The following TATDN1 variants were observed in gnomAD, a reference collection of about 807,000 sequenced individuals.
TATDN1 encodes deoxyribonuclease TATDN1.
In TATDN1, 40 loss-of-function variants were observed where a neutral mutation model predicts 46.4. The observed-to-expected ratio is 0.86, with a 90% CI of 0.67 to 1.12. The LOEUF is 1.12. Ranked by LOEUF, TATDN1 falls within the 50% of genes most tolerant of loss-of-function variation. The probability of loss-of-function intolerance (pLI) is 0.00; values close to 1 mark genes in which losing one functional copy is unlikely to be tolerated. For missense variants in TATDN1, 326 were observed against 348.4 expected (o/e 0.94, Z 0.51); for synonymous variants, 95 against 105.6 (o/e 0.90, Z 0.62).
intron 3 of TATDN1, 80 bp from the exon 4 acceptor site, chr8:124,518,961 T>C: frequency 3.3e-6 from 3 of 898,682 alleles, no homozygotes; most frequent in Non-Finnish European, 5.4e-6. Context: ...TCCTACCACT[T>C]CCTTATTCCA....
rs375358832 is a variant in TATDN1, at chr8:124,488,657, A to C, written c.831T>G (p.Asp277Glu). 5.0e-6 allele frequency: 8 copies of C among 1,606,532 alleles called. No homozygotes were observed. Among genetic ancestry groups the C allele is most frequent in the Non-Finnish European group, 6.8e-6 (8 of 1,173,958 alleles). ...ATAGTGTATTGGCTAATTCCAGTGG[A>C]TCCTCATCTCTCACTGCTGACATTA... ...LEIMSAVRDEDPLELANTLYN... is the reference protein window; with the variant it reads ...LEIMSAVRDEEPLELANTLYN... The change falls in exon 12 of 12, where the codon GAT (aspartate) becomes GAG (glutamate). Residue 277 changes from aspartate to glutamate, a missense_variant. Transcript: ENST00000276692.
intron 8 of TATDN1, among the ~76,000 whole-genome samples, chr8:124,504,904 G>A (rs989949120): frequency 2.7e-5 from 4 of 150,474 alleles, no homozygotes; most frequent in Non-Finnish European, 4.4e-5. Context: ...GCGCCACCAC[G>A]CCTGGCTAAT....
chr8:124,491,124 C>T (rs1816956688), intron 11 of TATDN1: 2 of 152,138 alleles, frequency 1.3e-5, no homozygotes, highest in African/African-American at 2.4e-5. Flanking sequence ...TACATGATTC[C>T]TACCCTATCT....
intron 11 of TATDN1, chr8:124,491,640 G>A (rs1563639548): frequency 6.6e-6 from 1 of 152,224 alleles, no homozygotes; most frequent in African/African-American, 2.4e-5. Context: ...TTCATCTGGT[G>A]GATGGATAAA....
intron 1 of TATDN1, among the ~76,000 whole-genome samples, chr8:124,528,138 G>T (rs1005022525): frequency 2.6e-5 from 4 of 152,120 alleles, no homozygotes; most frequent in African/African-American, 7.2e-5. Flanking sequence ...CATAGCTCTT[G>T]TAACCATTTA....
intron 9 of TATDN1, among the ~76,000 whole-genome samples, chr8:124,503,281 A>G (rs961463996): frequency 4.6e-5 from 7 of 152,220 alleles, no homozygotes; most frequent in African/African-American, 1.7e-4. Context: ...AGACAATAGT[A>G]TATGGATATT....
At chr8:124,509,053 T>C (rs2131430538) in intron 6 of TATDN1, among the ~76,000 whole-genome samples, 1 of 152,352 alleles carries the variant, frequency 6.6e-6, no homozygotes. Flanking sequence ...GTTTTTTATG[T>C]GCTGTTATAA....
At position 124,515,947 on chromosome 8, in the gene TATDN1, A is replaced by G; in HGVS notation, c.286T>C (p.Leu96=). Residue 96 remains leucine, a synonymous_variant, in exon 5 of 12, where the codon TTG becomes CTG. Transcript: ENST00000276692. ...KNNPDLYLKE[L]LNLAENNKGK... is the part of the protein sequence containing the mutation. Reference sequence around the variant, plus strand: ...TTATTGTTTTCAGCAAGATTTAGCAACTCCTTTAAGTAAAGATCAGGGTTA... The same window carrying G: ...TTATTGTTTTCAGCAAGATTTAGCAGCTCCTTTAAGTAAAGATCAGGGTTA... 2 of 1,613,960 alleles carry G rather than the reference A, an allele frequency of 1.2e-6. No individual in the cohort carries two copies. The highest frequency in any genetic ancestry group is 1.1e-5 in the South Asian group (1 of 91,066).
At chr8:124,509,312 C>T (rs555619883) in intron 6 of TATDN1, among the ~76,000 whole-genome samples, 1 of 152,294 alleles carries the variant, frequency 6.6e-6, no homozygotes, top group South Asian at 2.1e-4. Context: ...AGTACTTTGT[C>T]CAAGATAACA....
chr8:124,534,470 A>C (rs1488963406), intron 1 of TATDN1, among the ~76,000 whole-genome samples: 1 of 151,826 alleles, frequency 6.6e-6, no homozygotes, highest in Admixed American at 6.6e-5. Context: ...TACTCACAAT[A>C]CTCTGAATTT....
At position 124,515,947 on chromosome 8, in the gene TATDN1, A is replaced by C; in HGVS notation, c.286T>G (p.Leu96Val). 1 of 1,613,960 alleles carries C rather than the reference A, an allele frequency of 6.2e-7. No individual in the cohort carries two copies. ...TTATTGTTTTCAGCAAGATTTAGCA[A>C]CTCCTTTAAGTAAAGATCAGGGTTA... ...KNNPDLYLKE[L>V]LNLAENNKGK... Residue 96 changes from leucine (L) to valine (V), a missense_variant, in exon 5 of 12, where the codon TTG (leucine) becomes GTG (valine). Physicochemically the swap from Leu to Val is conservative, Grantham distance 32. Transcript: ENST00000276692.
In TATDN1 at chr8:124,504,320, C is replaced by T. The variant is rs750944264; in HGVS notation, c.544G>A (p.Ala182Thr). Residue 182 changes from alanine to threonine, a missense_variant, in exon 9 of 12, where the codon GCA becomes ACA. By Grantham distance (58) the Ala-to-Thr change is moderately conservative (BLOSUM62 0). Coordinates refer to ENST00000276692, the MANE Select transcript of TATDN1 (RefSeq NM_032026.4). ...TCCAAGTCAATCAAAGCAGCTGCTGCTTCCTTGGTACCATCAAATGAATGC... is the reference window on the plus strand; with the variant it reads ...TCCAAGTCAATCAAAGCAGCTGCTGTTTCCTTGGTACCATCAAATGAATGC... ...VVHSFDGTKE[A>T]AAALIDLDLY... 2 of 1,608,440 alleles carry T rather than the reference C, an allele frequency of 1.2e-6. No homozygotes were observed. Among genetic ancestry groups the T allele is most frequent in the African/African-American group, 2.7e-5 (2 of 74,764 alleles).
chr8:124,530,514 C>T (rs891720159), intron 1 of TATDN1, among the ~76,000 whole-genome samples: 11 of 152,120 alleles, frequency 7.2e-5, no homozygotes, highest in African/African-American at 2.7e-4. Context: ...GAGGGAACAG[C>T]CATTTAACAA....
intron 1 of TATDN1, among the ~76,000 whole-genome samples, chr8:124,524,756 T>C (rs1358577095): frequency 1.3e-5 from 2 of 152,162 alleles, no homozygotes; most frequent in Non-Finnish European, 2.9e-5. Context: ...TGAGGATTTA[T>C]TGCCACCAAG....
At chr8:124,531,792 C>T (rs941128643) in intron 1 of TATDN1, among the ~76,000 whole-genome samples, 1 of 152,100 alleles carries the variant, frequency 6.6e-6, no homozygotes, top group Non-Finnish European at 1.5e-5. Flanking sequence ...GTTTACATAG[C>T]GGTGGGGCAA....
intron 1 of TATDN1, among the ~76,000 whole-genome samples, chr8:124,531,023 T>C (rs1034836728): frequency 6.6e-6 from 1 of 152,104 alleles, no homozygotes; most frequent in African/African-American, 2.4e-5. Flanking sequence ...ATAGCACCCA[T>C]CCAGTAGGCT....
intron 9 of TATDN1, 168 bp downstream of exon 9, chr8:124,504,103 A>G (rs2131397653): frequency 1.4e-6 from 1 of 708,984 alleles, no homozygotes. Context: ...TTTAATAGTA[A>G]TGTACTGTTT....
intron 11 of TATDN1, among the ~76,000 whole-genome samples, chr8:124,493,300 A>C (rs1424624075): frequency 1.3e-5 from 2 of 152,244 alleles, no homozygotes; most frequent in Non-Finnish European, 2.9e-5. Flanking sequence ...AAGAAATTGG[A>C]TTATGTACCC....
At chr8:124,526,504 T>G (rs1586665771) in intron 1 of TATDN1, among the ~76,000 whole-genome samples, 1 of 152,262 alleles carries the variant, frequency 6.6e-6, no homozygotes, top group South Asian at 2.1e-4. Context: ...TGGGAGGGAA[T>G]GATAGGAACA....
Sources: allele counts gnomAD v4.1 joint callset (sites outside exome capture counted in the v4.1 genomes callset), GRCh38; gene constraint gnomAD v4.1.1; transcripts MANE v1.5; gene names NCBI Gene and HGNC (gene_info 2026-07-23, HGNC 2026-07-21).